The following NOD1 variants were observed in gnomAD, a reference collection of about 807,000 sequenced individuals.
NOD1 encodes the protein nucleotide-binding oligomerization domain-containing protein 1.
NOD1 carries 70 observed loss-of-function variants against 81.2 expected under a neutral mutation model. The observed-to-expected ratio is 0.86, with a 90% CI of 0.71 to 1.05. The LOEUF is 1.05. NOD1 is among the 50% of genes least tolerant of loss of function. The pLI, the probability that NOD1 is intolerant of heterozygous loss-of-function variation, is 0.00. For synonymous variants in NOD1, 508 were observed against 526.9 expected (o/e 0.96, Z 0.49); for missense variants, 1,233 against 1,228.0 (o/e 1.00, Z -0.06).
At chr7:30,459,267 A>C (rs983661652) in intron 2 of NOD1, 27 bp from the exon 3 acceptor site, 1 of 152,688 alleles carries the variant, frequency 6.5e-6, no homozygotes, top group African/African-American at 2.4e-5. Flanking sequence ...AGACTTAAAA[A>C]AATTATTGTG....
chr7:30,452,342 C>T lies in NOD1; in HGVS notation c.1075G>A (p.Ala359Thr), dbSNP rs753489579. The change falls in exon 6 of 14, where the codon GCC (alanine) becomes ACC (threonine). Residue 359 changes from alanine (A) to threonine (T), a missense_variant. Transcript: ENST00000222823. ...LRGFSPSHLR[A>T]YARRMFPERA... Reference sequence around the variant, plus strand: ...TCGGGGAACATCCTCCTGGCATAGGCGCGCAGGTGGCTGGGGGAGAAGCCC... The same window carrying T: ...TCGGGGAACATCCTCCTGGCATAGGTGCGCAGGTGGCTGGGGGAGAAGCCC... 18 of 1,613,270 alleles carry T rather than the reference C, an allele frequency of 1.1e-5. No individual in the cohort carries two copies. In the East Asian group the frequency reaches 1.3e-4, roughly 12 times the overall value.
rs1562661939 is a variant in NOD1, at chr7:30,437,658, T to C, written c.2454-2A>G. 2.6e-6 allele frequency: 4 copies of C among 1,513,082 alleles called. No individual in the cohort carries two copies. Among genetic ancestry groups the C allele is most frequent in the Non-Finnish European group, 3.5e-6 (4 of 1,140,654 alleles). The allele number at this position is 1,513,082 out of a possible 1,614,324, so 93.7% of individuals were successfully genotyped here. On this transcript the variant is annotated splice_acceptor_variant, in intron 9 of 13. Coordinates refer to ENST00000222823, the MANE Select transcript of NOD1 (RefSeq NM_006092.4). LOFTEE classifies it high-confidence loss of function. ...TCCCCAACTTGATTGCCCCACATCC[T>C]GAGGGAGGAGACAAGATAGTGAATG...
chr7:30,458,080 C>T (rs945031938), intron 3 of NOD1, among the ~76,000 whole-genome samples: 1 of 152,152 alleles, frequency 6.6e-6, no homozygotes, highest in Non-Finnish European at 1.5e-5. Context: ...AAACCTGGTA[C>T]AAGTGCTGAG....
intron 12 of NOD1, among the ~76,000 whole-genome samples, chr7:30,429,736 A>G (rs1562651298): frequency 6.6e-6 from 1 of 152,212 alleles, no homozygotes; most frequent in Non-Finnish European, 1.5e-5. Flanking sequence ...GAGGTGCATA[A>G]TCAAAATATT....
At chr7:30,431,465 A>G (rs773487551) in intron 12 of NOD1, among the ~76,000 whole-genome samples, 1 of 152,256 alleles carries the variant, frequency 6.6e-6, no homozygotes, top group Non-Finnish European at 1.5e-5. Flanking sequence ...TCAATGGACC[A>G]GAACAGAGAA....
intron 12 of NOD1, 86 bp from the exon 13 acceptor site, chr7:30,429,543 G>C: frequency 8.5e-7 from 1 of 1,176,658 alleles, no homozygotes; most frequent in Admixed American, 1.7e-5. Flanking sequence ...GGTGTTTTGG[G>C]ATAAGAGACA....
At chr7:30,454,198 C>A (rs1450611892) in intron 5 of NOD1, among the ~76,000 whole-genome samples, 1 of 152,224 alleles carries the variant, frequency 6.6e-6, no homozygotes, top group African/African-American at 2.4e-5. Context: ...CTGTTTCCAA[C>A]AACATATTGG....
In NOD1 at chr7:30,425,235, C is replaced by T. The variant is rs1161495442; in HGVS notation, c.*403G>A. 4.9e-6 allele frequency: 1 copy of T among 205,116 alleles called. No homozygotes were observed. The highest frequency in any genetic ancestry group is 1.0e-5 in the Non-Finnish European group (1 of 100,396). The allele number at this position is 205,116 out of a possible 1,614,324, so 12.7% of individuals were successfully genotyped here. ...TGGCACCAACTTTGTGCCACATCCT[C>T]AACTCTTCAATGAAAAGAGCGGTGA... On this transcript the variant is annotated 3_prime_UTR_variant, in exon 14 of 14. Coordinates refer to ENST00000222823, the MANE Select transcript of NOD1 (RefSeq NM_006092.4).
intron 1 of NOD1, among the ~76,000 whole-genome samples, chr7:30,471,225 G>A (rs1227608071): frequency 1.3e-5 from 2 of 152,218 alleles, no homozygotes; most frequent in African/African-American, 4.8e-5. Flanking sequence ...GTGGCATTAA[G>A]AGGTTGAGAA....
chr7:30,456,693 G>GC (rs5743337), intron 4 of NOD1, 28 bp downstream of exon 4: 458,985 of 1,603,280 alleles, frequency 0.29, 69,596 homozygotes, highest in African/African-American at 0.48. Context: ...TCCACACAAT[G>GC]CCATGCCCGT....
At chr7:30,477,595 A>AC (rs2128116294) in intron 1 of NOD1, among the ~76,000 whole-genome samples, 1 of 151,640 alleles carries the variant, frequency 6.6e-6, no homozygotes, top group South Asian at 2.1e-4. Flanking sequence ...GCTCACTGCA[A>AC]CCTCTGCCTC....
At chr7:30,463,783 A>G (rs1290352084) in intron 1 of NOD1, 1 of 152,554 alleles carries the variant, frequency 6.6e-6, no homozygotes, top group Non-Finnish European at 1.5e-5. Flanking sequence ...CTGTAAGTAT[A>G]AAACAATACC....
chr7:30,466,974 T>TG (rs2128097605), intron 1 of NOD1, among the ~76,000 whole-genome samples: 1 of 152,258 alleles, frequency 6.6e-6, no homozygotes, highest in Admixed American at 6.5e-5. Context: ...ACCCCTCACT[T>TG]GGCTCCACAG....
chr7:30,452,919 C>G lies in NOD1; in HGVS notation c.498G>C (p.Leu166=). ...CCAGGCTCTCATTGCTGAAGCCAAC[C>G]AGCTCCATGATGGTGTCCATGTAGA... The part of the protein sequence containing the change: ...EEIYMDTIME[L]VGFSNESLGS... Residue 166 remains leucine, a synonymous_variant, in exon 6 of 14, where the codon CTG becomes CTC. Coordinates refer to ENST00000222823, the MANE Select transcript of NOD1 (RefSeq NM_006092.4). 6.2e-7 allele frequency: 1 copy of G among 1,614,030 alleles called. No homozygotes were observed. The highest frequency in any genetic ancestry group is 8.5e-7 in the Non-Finnish European group (1 of 1,180,032).
In NOD1 at chr7:30,429,406, C is replaced by T. The variant is rs140327847; in HGVS notation, c.2757G>A (p.Ala919=). Reference sequence around the variant, plus strand: ...CTGTTATGCCAGTGTTGCTCTGTAACGCATCTGCCAGCTGGGCAGTCCCCT... The same window carrying T: ...CTGTTATGCCAGTGTTGCTCTGTAATGCATCTGCCAGCTGGGCAGTCCCCT... The part of the protein sequence containing the change: ...TAKGTAQLAD[A]LQSNTGITEI... The change falls in exon 13 of 14, where the codon GCG becomes GCA. Residue 919 remains alanine (A), a synonymous_variant. Coordinates refer to ENST00000222823, the MANE Select transcript of NOD1 (RefSeq NM_006092.4). The T allele has an allele frequency of 2.4e-5, 39 of 1,614,170 alleles. No individual in the cohort carries two copies. Among genetic ancestry groups the T allele is most frequent in the Middle Eastern group, 1.6e-4 (1 of 6,062 alleles).
intron 12 of NOD1, among the ~76,000 whole-genome samples, chr7:30,430,052 T>C (rs1783808494): frequency 2.0e-5 from 3 of 152,228 alleles, no homozygotes; most frequent in Middle Eastern, 3.4e-3. Context: ...ACCACCAATC[T>C]GAACAACAAA....
In NOD1 at chr7:30,451,497, G is replaced by A. The variant is rs763115917; in HGVS notation, c.1920C>T (p.Val640=). The A allele has an allele frequency of 7.4e-6, 12 of 1,612,978 alleles. No homozygotes were observed. Among genetic ancestry groups the A allele is most frequent in the Admixed American group, 5.0e-5 (3 of 59,992 alleles). ...TGGCCTGCACCTGGTTGAAGCTTTCGACCTGAACGCGGGGCAGGCTCTTCA... is the reference window on the plus strand; with the variant it reads ...TGGCCTGCACCTGGTTGAAGCTTTCAACCTGAACGCGGGGCAGGCTCTTCA... ...GYLKSLPRVQ[V]ESFNQVQAMP... Residue 640 remains valine, a synonymous_variant, in exon 6 of 14, where the codon GTC becomes GTT. Coordinates refer to ENST00000222823, the MANE Select transcript of NOD1 (RefSeq NM_006092.4). This position sits in a 1 kb window ranked among gnomAD's most constrained non-coding sequence, Gnocchi z 4.2.
At chr7:30,437,742 A>C in intron 9 of NOD1, 86 bp from the exon 10 acceptor site, 10 of 881,196 alleles carry the variant, frequency 1.1e-5, no homozygotes, top group South Asian at 1.8e-5. Flanking sequence ...GCCACAGCTC[A>C]GTTCCTACTC....
Position 30,471,879 on chromosome 7 carries a change from T to C in NOD1, c.-352+6727A>G, listed in dbSNP as rs1162537379. ...GGGTGCCTAGGAGGCCCATATGCAT[T>C]TACACTCATCTGTCCCAGAAAACTA... On this transcript the variant is annotated intron_variant, in intron 1 of 13. Transcript: ENST00000222823. Among the ~76,000 whole-genome samples, 5 of 152,256 alleles carry C rather than the reference T, an allele frequency of 3.3e-5. No individual in the cohort carries two copies. In the South Asian group the frequency reaches 1.0e-3, roughly 32 times the overall value.
Sources: allele counts gnomAD v4.1 joint callset (sites outside exome capture counted in the v4.1 genomes callset), GRCh38; gene constraint gnomAD v4.1.1; non-coding constraint Gnocchi (gnomAD v3.1); transcripts MANE v1.5; gene names NCBI Gene and HGNC (gene_info 2026-07-23, HGNC 2026-07-21).